ZNF7: variants seen among roughly 807,000 people sequenced by gnomAD.
ZNF7 encodes zinc finger protein 7, also known as C2-H2 type zinc finger protein.
A neutral mutation model predicts 12.0 loss-of-function variants in ZNF7; 10 were observed. The ratio of observed to expected loss-of-function variants is 0.83; its 90% CI spans 0.51 to 1.42. The LOEUF is 1.42. ZNF7 is among the 40% of genes most tolerant of loss of function. The pLI, the probability that ZNF7 is intolerant of heterozygous loss-of-function variation, is 0.00. For missense variants in ZNF7, 854 were observed against 837.2 expected, an observed-to-expected ratio of 1.02 and a Z score of -0.25; for synonymous variants, 334 against 295.0, an observed-to-expected ratio of 1.13 and a Z score of -1.35.
rs1238099328 is a variant in ZNF7, at chr8:144,843,137, T to C, written c.2030T>C (p.Leu677Pro). The change falls in exon 5 of 5, where the codon CTT (leucine) becomes CCT (proline). Residue 677 changes from leucine to proline, a missense_variant. Transcript: ENST00000532777. ...AAAGCTTTTAATCGTAGCTCAAGGC[T>C]TACCCAGCATCAAAAAATTCACATG... is the stretch of plus-strand genomic sequence containing the variant. ...CGKAFNRSSR[L>P]TQHQKIHMG 2 of 1,595,664 alleles carry C rather than the reference T, an allele frequency of 1.3e-6. No individual in the cohort carries two copies. The highest frequency in any genetic ancestry group is 2.2e-5 in the East Asian group (1 of 44,752).
downstream of ZNF7, among the ~76,000 whole-genome samples, chr8:144,845,305 G>A (rs1016099507): frequency 6.6e-6 from 1 of 152,144 alleles, no homozygotes; most frequent in Admixed American, 6.5e-5. Context: ...AGGCCCAGCA[G>A]GTGCAGGCAC....
rs770747798 is a variant in ZNF7 at position 144,841,952 on chromosome 8, A to T, written c.845A>T (p.Glu282Val). Reference sequence around the variant, plus strand: ...GGAGAGAAACCCTTTAAATGCACTGAGTGTGGAAAAGCCTTCCGCCTGAGC... The same window carrying T: ...GGAGAGAAACCCTTTAAATGCACTGTGTGTGGAAAAGCCTTCCGCCTGAGC... ...HTGEKPFKCT[E>V]CGKAFRLSSK... Residue 282 changes from glutamate (E) to valine (V), a missense_variant, in exon 5 of 5, where the codon GAG becomes GTG. By Grantham distance (121) the Glu-to-Val change is moderately radical. Transcript: ENST00000532777. The T allele has an allele frequency of 2.5e-6, 4 of 1,614,112 alleles. No individual in the cohort carries two copies. The highest frequency in any genetic ancestry group is 2.7e-5 in the African/African-American group (2 of 74,946).
intron 3 of ZNF7, chr8:144,835,813 C>T (rs1165777163): frequency 6.6e-6 from 1 of 152,108 alleles, no homozygotes; most frequent in Non-Finnish European, 1.5e-5. Context: ...CACTCTGTTT[C>T]CCAGGGTGGA....
chr8:144,830,804 G>C (rs1307733775), intron 3 of ZNF7: 1 of 379,392 alleles, frequency 2.6e-6, no homozygotes, highest in Non-Finnish European at 5.3e-6. Flanking sequence ...CGCGATCTTG[G>C]CTCACCGCCA....
downstream of ZNF7, among the ~76,000 whole-genome samples, chr8:144,844,901 GA>G (rs1261389064): frequency 6.6e-6 from 1 of 151,476 alleles, no homozygotes; most frequent in Non-Finnish European, 1.5e-5. Context: ...AGGGAGTGGG[GA>G]AAGAGGACTC....
Position 144,843,210 on chromosome 8 carries a change from A to G in ZNF7, c.*42A>G, listed in dbSNP as rs569169330. The G allele has an allele frequency of 2.0e-6, 3 of 1,508,458 alleles. No homozygotes were observed. In the African/African-American group the frequency reaches 4.2e-5, roughly 21 times the overall value. The allele number at this position is 1,508,458 out of a possible 1,614,324, so 93.4% of individuals were successfully genotyped here. On this transcript the variant is annotated 3_prime_UTR_variant, in exon 5 of 5. Transcript: ENST00000532777. ...TGTGTATATATGTGAATAAACCTAT[A>G]GCCTTAACTTACTTATTTTATATGG... is the stretch of plus-strand genomic sequence containing the variant.
rs748104153 is a variant in ZNF7, at chr8:144,842,450, A to C, written c.1343A>C (p.Lys448Thr). Reference sequence around the variant, plus strand: ...CCTTATAAATGCAACAAGTGTACAAAAGCCTTTGGTTGTAGTTCACGGCTT... The same window carrying C: ...CCTTATAAATGCAACAAGTGTACAACAGCCTTTGGTTGTAGTTCACGGCTT... ...EKPYKCNKCT[K>T]AFGCSSRLIR... Residue 448 changes from lysine to threonine, a missense_variant, in exon 5 of 5, where the codon AAA (lysine) becomes ACA (threonine). Coordinates refer to ENST00000532777, the MANE Select transcript of ZNF7 (RefSeq NM_003416.4). 1 of 1,614,126 alleles carries C rather than the reference A, an allele frequency of 6.2e-7. No homozygotes were observed. The highest frequency in any genetic ancestry group is 8.5e-7 in the Non-Finnish European group (1 of 1,180,022).
downstream of ZNF7, chr8:144,847,420 G>A (rs1054262213): frequency 1.3e-5 from 2 of 152,180 alleles, no homozygotes; most frequent in African/African-American, 2.4e-5. Flanking sequence ...TCTAGCCTGG[G>A]TGACAGAGTG....
chr8:144,834,401 CAG>C (rs1332014468), intron 3 of ZNF7: 2 of 152,128 alleles, frequency 1.3e-5, no homozygotes, highest in African/African-American at 2.4e-5. Context: ...GTGGCCAGCA[CAG>C]TGTTAAACAG....
Position 144,843,371 on chromosome 8 carries a change from C to G in ZNF7, c.*203C>G. ...TTGGGAGGCCAAGGCGGGCACATCA[C>G]GAGGTCAGGAGGTTGAGACCATCCT... On this transcript the variant is annotated 3_prime_UTR_variant, in exon 5 of 5. Transcript: ENST00000532777. 3 of 559,006 alleles carry G rather than the reference C, an allele frequency of 5.4e-6. No individual in the cohort carries two copies. The highest frequency in any genetic ancestry group is 8.9e-6 in the Non-Finnish European group (3 of 337,622). The allele number at this position is 559,006 out of a possible 1,614,324, so 34.6% of individuals were successfully genotyped here. A position where few individuals can be genotyped will look rare whatever the true frequency, so the allele number is the denominator to read the frequency against.
chr8:144,842,641 C>T lies in ZNF7; in HGVS notation c.1534C>T (p.Leu512Phe). 6.2e-7 allele frequency: 1 copy of T among 1,614,202 alleles called. No homozygotes were observed. Among genetic ancestry groups the T allele is most frequent in the East Asian group, 2.2e-5 (1 of 44,884 alleles). The stretch of plus-strand genomic sequence containing the variant: ...AAAAGCCTTCAGTCAGAGTTCCAGC[C>T]TTATTTACCATCAGAGAATCCATAA... Reference protein sequence around the residue: ...CGKAFSQSSSLIYHQRIHKGE... With the variant: ...CGKAFSQSSSFIYHQRIHKGE... The change falls in exon 5 of 5, where the codon CTT (leucine) becomes TTT (phenylalanine). Residue 512 changes from leucine (L) to phenylalanine (F), a missense_variant. Leu to Phe is a conservative substitution (Grantham distance 22). Coordinates refer to ENST00000532777, the MANE Select transcript of ZNF7 (RefSeq NM_003416.4).
rs1037906576 is a variant in ZNF7, at chr8:144,837,235, G to A, written c.131-156G>A. The A allele has an allele frequency of 4.0e-5, 23 of 572,958 alleles. No homozygotes were observed. In the African/African-American group the frequency reaches 4.2e-4, roughly 10 times the overall value. 35.5% of individuals were successfully genotyped at this position (572,958 alleles called of 1,614,324 possible). A position where few individuals can be genotyped will look rare whatever the true frequency, so the allele number is the denominator to read the frequency against. On this transcript the variant is annotated intron_variant, in intron 3 of 4. Coordinates refer to ENST00000532777, the MANE Select transcript of ZNF7 (RefSeq NM_003416.4). ...GACAGAAAGGGCTGCTGTGTCCCCAGATTCTCCCCACCCTCCACCCACTCT... is the reference window on the plus strand; with the variant it reads ...GACAGAAAGGGCTGCTGTGTCCCCAAATTCTCCCCACCCTCCACCCACTCT...
At chr8:144,835,214 T>G (rs972952606) in intron 3 of ZNF7, 1 of 152,038 alleles carries the variant, frequency 6.6e-6, no homozygotes, top group East Asian at 1.9e-4. Flanking sequence ...TTTTTTTTTT[T>G]TTTTAAAGAG....
Position 144,841,829 on chromosome 8 carries a change from C to G in ZNF7, c.722C>G (p.Thr241Arg). The change falls in exon 5 of 5, where the codon ACA becomes AGA. Residue 241 changes from threonine to arginine, a missense_variant. Transcript: ENST00000532777. The part of the protein sequence containing the change: ...KLSDCLQGKH[T>R]NNCHGEKPYE... ...TCTGACTGCTTGCAGGGGAAACATA[C>G]AAATAACTGCCATGGAGAGAAGCCG... 6.2e-7 allele frequency: 1 copy of G among 1,614,160 alleles called. No homozygotes were observed.
Position 144,832,162 on chromosome 8 carries a change from C to G in ZNF7, c.130+2558C>G, listed in dbSNP as rs1397798730. Reference sequence around the variant, plus strand: ...GGCACAGTGGCTCACACCTGTAATCCCAGCGCTTTGGGAGGCCAAGGCGGG... The same window carrying G: ...GGCACAGTGGCTCACACCTGTAATCGCAGCGCTTTGGGAGGCCAAGGCGGG... On this transcript the variant is annotated intron_variant, in intron 3 of 4. Transcript: ENST00000532777. Among the ~76,000 whole-genome samples the G allele has an allele frequency of 2.0e-5, 2 of 102,076 alleles. 1 individual carries two copies. Among genetic ancestry groups the G allele is most frequent in the South Asian group, 6.2e-4 (2 of 3,236 alleles). The allele number at this position is 102,076 out of a possible 152,430, so 67.0% of individuals were successfully genotyped here.
chr8:144,841,247 C>A, intron 4 of ZNF7, 108 bp from the exon 5 acceptor site: 1 of 1,144,698 alleles, frequency 8.7e-7, no homozygotes, highest in Non-Finnish European at 1.2e-6. Context: ...CCTCACAGTG[C>A]TCAGTGCAAC....
chr8:144,842,669 G>A lies in ZNF7; in HGVS notation c.1562G>A (p.Gly521Glu). 1.9e-6 allele frequency: 3 copies of A among 1,614,156 alleles called. No individual in the cohort carries two copies. The Admixed American group carries it at 5.0e-5, about 27-fold the overall frequency. ...ATTTACCATCAGAGAATCCATAAAG[G>A]AGAGAAGCCCTACGAATGCCTCCAA... ...SLIYHQRIHK[G>E]EKPYECLQCG... The change falls in exon 5 of 5, where the codon GGA (glycine) becomes GAA (glutamate). Residue 521 changes from glycine to glutamate, a missense_variant. Gly to Glu is a moderately conservative substitution (Grantham distance 98). Transcript: ENST00000532777.
At position 144,841,991 on chromosome 8, in the gene ZNF7, A is replaced by C; in HGVS notation, c.884A>C (p.Gln295Pro). Residue 295 changes from glutamine to proline, a missense_variant, in exon 5 of 5, where the codon CAG becomes CCG. Physicochemically the swap from Gln to Pro is moderately conservative, Grantham distance 76. Coordinates refer to ENST00000532777, the MANE Select transcript of ZNF7 (RefSeq NM_003416.4). Reference sequence around the variant, plus strand: ...TTCCGCCTGAGCTCAAAACTTATTCAGCATCAAAGAATCCACACTGGGGAG... The same window carrying C: ...TTCCGCCTGAGCTCAAAACTTATTCCGCATCAAAGAATCCACACTGGGGAG... ...KAFRLSSKLIQHQRIHTGEKP... is the reference protein window; with the variant it reads ...KAFRLSSKLIPHQRIHTGEKP... 6.2e-7 allele frequency: 1 copy of C among 1,614,198 alleles called. No individual in the cohort carries two copies. Among genetic ancestry groups the C allele is most frequent in the Non-Finnish European group, 8.5e-7 (1 of 1,180,028 alleles).
Position 144,841,713 on chromosome 8 carries a change from C to A in ZNF7, c.606C>A (p.Gly202=). The A allele has an allele frequency of 6.2e-7, 1 of 1,614,134 alleles. No homozygotes were observed. Among genetic ancestry groups the A allele is most frequent in the Non-Finnish European group, 8.5e-7 (1 of 1,180,024 alleles). The part of the protein sequence containing the change: ...EGMSQRCEEC[G]KGIRATSDIA... ...TGTCCCAGAGATGCGAGGAGTGTGG[C>A]AAAGGCATCAGAGCCACTTCAGATA... The change falls in exon 5 of 5, where the codon GGC becomes GGA. Residue 202 remains glycine (G), a synonymous_variant. Transcript: ENST00000532777.
Sources: allele counts gnomAD v4.1 joint callset (sites outside exome capture counted in the v4.1 genomes callset), GRCh38; gene constraint gnomAD v4.1.1; transcripts MANE v1.5; gene names NCBI Gene and HGNC (gene_info 2026-07-23, HGNC 2026-07-21).